FSHR: variants seen among roughly 807,000 people sequenced by gnomAD.
FSHR encodes the protein follicle stimulating hormone receptor.
Under a neutral mutation model 52.1 loss-of-function variants are expected in FSHR, and 46 were observed. The observed-to-expected ratio is 0.88, with a 90% confidence interval of 0.70 to 1.13. The LOEUF (loss-of-function observed/expected upper bound fraction) is 1.13, where lower values mean the gene tolerates loss of function less well. Ranked by LOEUF, FSHR falls within the 50% of genes most tolerant of loss-of-function variation. The probability of loss-of-function intolerance (pLI) is 0.00; values close to 1 mark genes in which losing one functional copy is unlikely to be tolerated. For missense variants in FSHR, 964 were observed against 834.6 expected (o/e 1.16, Z -1.91); for synonymous variants, 399 against 309.6 (o/e 1.29, Z -3.03).
chr2:49,150,585 C>T (rs1673027608), intron 1 of FSHR, among the ~76,000 whole-genome samples: 1 of 151,988 alleles, frequency 6.6e-6, no homozygotes, highest in Non-Finnish European at 1.5e-5. Flanking sequence ...CATTATACAG[C>T]CAAAGGTCCA....
chr2:48,983,164 C>T lies in FSHR; in HGVS notation c.527G>A (p.Trp176Ter), dbSNP rs756731404. The change falls in exon 7 of 10, where the codon TGG becomes TAG. Residue 176 changes from tryptophan to a stop codon, truncating the protein, a stop_gained and splice_region_variant. Coordinates refer to ENST00000406846, the MANE Select transcript of FSHR (RefSeq NM_000145.4). LOFTEE classifies it high-confidence loss of function. The part of the protein sequence containing the change: ...VGLSFESVIL[W>*]LNKNGIQEIH... ...TTCTTGAATCCCATTCTTATTCAGC[C>T]ATCTGAAATAAAAGGCCTATTAAAA... The T allele has an allele frequency of 1.9e-6, 3 of 1,613,736 alleles. No homozygotes were observed. The highest frequency in any genetic ancestry group is 1.3e-5 in the African/African-American group (1 of 74,874).
At chr2:48,983,417 G>C (rs1403348675) in intron 6 of FSHR, among the ~76,000 whole-genome samples, 2 of 152,220 alleles carry the variant, frequency 1.3e-5, no homozygotes, top group Non-Finnish European at 2.9e-5. Context: ...AAGTTTGAAA[G>C]GCATACTTAG....
chr2:49,135,602 T>C (rs907743697), intron 1 of FSHR, among the ~76,000 whole-genome samples: 9 of 152,032 alleles, frequency 5.9e-5, no homozygotes. Flanking sequence ...AAGGAAATAG[T>C]AAAGATTGTA....
chr2:49,147,106 C>T (rs1482792346), intron 1 of FSHR, among the ~76,000 whole-genome samples: 4 of 152,060 alleles, frequency 2.6e-5, no homozygotes, highest in African/African-American at 9.7e-5. Context: ...TCAGATCAGC[C>T]AGCCTATTTC....
At chr2:49,002,030 C>A (rs1666906455) in intron 4 of FSHR, among the ~76,000 whole-genome samples, 1 of 151,974 alleles carries the variant, frequency 6.6e-6, no homozygotes. Flanking sequence ...GCCTTCTTCC[C>A]CAGTATAATT....
At position 49,086,937 on chromosome 2, in the gene FSHR, G is replaced by A. The variant is rs141782429; in HGVS notation, c.153-18647C>T. On this transcript the variant is annotated intron_variant, in intron 1 of 9. Transcript: ENST00000406846. ...GTGTGAGGCAGCGTGCCTGGCCCAGGCATCCTTATTTTAAAAGATACTCAT... is the reference window on the plus strand; with the variant it reads ...GTGTGAGGCAGCGTGCCTGGCCCAGACATCCTTATTTTAAAAGATACTCAT... Among the ~76,000 whole-genome samples, 83 of 152,172 alleles carry A rather than the reference G, an allele frequency of 5.5e-4. 1 individual carries two copies. The East Asian group carries it at 0.015, about 27-fold the overall frequency.
chr2:49,080,996 T>C (rs547959065), intron 1 of FSHR, among the ~76,000 whole-genome samples: 2 of 152,178 alleles, frequency 1.3e-5, no homozygotes, highest in Non-Finnish European at 2.9e-5. Flanking sequence ...GTTTACCTGG[T>C]CTCTGGCTGC....
intron 1 of FSHR, among the ~76,000 whole-genome samples, chr2:49,135,976 A>T (rs1225977464): frequency 2.0e-5 from 3 of 151,982 alleles, no homozygotes; most frequent in African/African-American, 7.2e-5. Flanking sequence ...GGTGGAAGAA[A>T]ATCTACATAA....
intron 1 of FSHR, among the ~76,000 whole-genome samples, chr2:49,072,342 C>G (rs1257675749): frequency 6.6e-6 from 1 of 152,006 alleles, no homozygotes; most frequent in Non-Finnish European, 1.5e-5. Flanking sequence ...AATGAAAATA[C>G]AACATGTCAA....
In FSHR at chr2:48,963,714, T is replaced by C. The variant is rs1222552323; in HGVS notation, c.1107A>G (p.Ile369Met). 6 of 1,614,182 alleles carry C rather than the reference T, an allele frequency of 3.7e-6. No individual in the cohort carries two copies. The highest frequency in any genetic ancestry group is 4.2e-6 in the Non-Finnish European group (5 of 1,180,022). The change falls in exon 10 of 10, where the codon ATA becomes ATG. Residue 369 changes from isoleucine to methionine, a missense_variant. Transcript: ENST00000406846. Reference sequence around the variant, plus strand: ...TGATGGCCAGGATGCTGATAAACCATATCAGGACTCTGAGGATGTTGTACC... The same window carrying C: ...TGATGGCCAGGATGCTGATAAACCACATCAGGACTCTGAGGATGTTGTACC... ...IMGYNILRVL[I>M]WFISILAITG...
chr2:49,039,259 G>A (rs1336527017), intron 2 of FSHR, among the ~76,000 whole-genome samples: 1 of 152,198 alleles, frequency 6.6e-6, no homozygotes, highest in African/African-American at 2.4e-5. Flanking sequence ...AGTTTTTGAA[G>A]AAGCCCAGGG....
chr2:49,125,863 C>G (rs919982661), intron 1 of FSHR, among the ~76,000 whole-genome samples: 1 of 152,156 alleles, frequency 6.6e-6, no homozygotes, highest in Non-Finnish European at 1.5e-5. Flanking sequence ...GCTAACAGAC[C>G]TAAAGACTAG....
At chr2:49,059,721 G>A (rs1669212846) in intron 2 of FSHR, 1 of 152,128 alleles carries the variant, frequency 6.6e-6, no homozygotes, top group Admixed American at 6.6e-5. Flanking sequence ...ACTCAACATG[G>A]ATCAAATTCC....
chr2:48,981,768 G>A (rs1181412169), intron 8 of FSHR, among the ~76,000 whole-genome samples: 2 of 152,162 alleles, frequency 1.3e-5, no homozygotes, highest in African/African-American at 4.8e-5. Flanking sequence ...GCCTGAAGGA[G>A]AATATTAGCT....
At chr2:49,038,372 A>G (rs1196564360) in intron 2 of FSHR, among the ~76,000 whole-genome samples, 1 of 152,068 alleles carries the variant, frequency 6.6e-6, no homozygotes, top group African/African-American at 2.4e-5. Context: ...CTGTAATCCC[A>G]GTACTTTGGG....
At chr2:49,071,590 T>A (rs185976304) in intron 1 of FSHR, among the ~76,000 whole-genome samples, 1 of 152,284 alleles carries the variant, frequency 6.6e-6, no homozygotes, top group East Asian at 1.9e-4. Context: ...AATTAGTGTT[T>A]TGTATTGAAT....
At chr2:49,067,500 G>A (rs1023566411) in intron 2 of FSHR, among the ~76,000 whole-genome samples, 2 of 151,998 alleles carry the variant, frequency 1.3e-5, no homozygotes, top group Admixed American at 6.6e-5. Context: ...CCTGAATCCT[G>A]GCTGTCTCAC....
At chr2:48,979,648 A>G (rs1251589444) in intron 8 of FSHR, among the ~76,000 whole-genome samples, 3 of 152,100 alleles carry the variant, frequency 2.0e-5, no homozygotes, top group Admixed American at 2.0e-4. Flanking sequence ...AATTCAGTAC[A>G]ACTTTGAAGG....
intron 4 of FSHR, among the ~76,000 whole-genome samples, chr2:49,005,292 C>T (rs985943721): frequency 2.0e-5 from 3 of 152,098 alleles, no homozygotes; most frequent in African/African-American, 7.2e-5. Context: ...GCTGAAATCT[C>T]ACCTTCAACA....
Sources: allele counts gnomAD v4.1 joint callset (sites outside exome capture counted in the v4.1 genomes callset), GRCh38; gene constraint gnomAD v4.1.1; transcripts MANE v1.5; gene names NCBI Gene and HGNC (gene_info 2026-07-23, HGNC 2026-07-21).